The following SLC5A6 variants were observed in gnomAD, a reference collection of about 807,000 sequenced individuals.
SLC5A6 encodes the protein sodium-dependent multivitamin transporter.
Under a neutral mutation model 67.9 loss-of-function variants are expected in SLC5A6, and 31 were observed. The ratio of observed to expected loss-of-function variants is 0.46; its 90% CI spans 0.34 to 0.62. The LOEUF (loss-of-function observed/expected upper bound fraction) is 0.62. Ranked by LOEUF, SLC5A6 falls within the 20% of genes least tolerant of loss-of-function variation. SLC5A6 has a pLI of 0.01. For missense variants in SLC5A6, 673 were observed against 812.8 expected, an observed-to-expected ratio of 0.83 and a Z score of 2.09; for synonymous variants, 343 against 331.0, an observed-to-expected ratio of 1.04 and a Z score of -0.39.
chr2:27,202,690 A>G (rs910294203), intron 12 of SLC5A6, 123 bp downstream of exon 12: 3 of 853,522 alleles, frequency 3.5e-6, no homozygotes, highest in African/African-American at 3.4e-5. Flanking sequence ...CGGTCCATCA[A>G]AGGGGAATCT....
At chr2:27,205,578 G>T (rs1674000010) in intron 6 of SLC5A6, 74 bp from the exon 7 acceptor site, 1 of 1,544,960 alleles carries the variant, frequency 6.5e-7, no homozygotes, top group African/African-American at 1.4e-5. Context: ...TTATTTTGTT[G>T]TTGCTCCATT....
At chr2:27,203,752 C>A in intron 10 of SLC5A6, 27 bp downstream of exon 10, 1 of 1,564,100 alleles carries the variant, frequency 6.4e-7, no homozygotes, top group Non-Finnish European at 8.8e-7. Flanking sequence ...GTGCACCAGG[C>A]CTGAGGGAAA....
chr2:27,205,038 G>A lies in SLC5A6; in HGVS notation c.735-107C>T, dbSNP rs1032609555. ...CAGGAAAGGAGAGACACCACTGCTA[G>A]GGCCAAGGGGGACACTGAAAGCAAG... is the stretch of plus-strand genomic sequence containing the variant. On this transcript the variant is annotated intron_variant, in intron 7 of 16. Transcript: ENST00000310574. 8.8e-5 allele frequency: 115 copies of A among 1,303,706 alleles called. No individual in the cohort carries two copies. The East Asian group carries it at 2.6e-3, about 29-fold the overall frequency. 80.8% of individuals were successfully genotyped at this position (1,303,706 alleles called of 1,614,324 possible). A position where few individuals can be genotyped will look rare whatever the true frequency, so the allele number is the denominator to read the frequency against.
At position 27,205,380 on chromosome 2, in the gene SLC5A6, G is replaced by T; in HGVS notation, c.704C>A (p.Ala235Asp). The change falls in exon 7 of 17, where the codon GCT (alanine) becomes GAT (aspartate). Residue 235 changes from alanine (A) to aspartate (D), a missense_variant. Transcript: ENST00000310574. Reference protein sequence around the residue: ...VGGLGRVWAVASQHGRISGFE... With the variant: ...VGGLGRVWAVDSQHGRISGFE... Reference sequence around the variant, plus strand: ...CCCAGAGATGCGGCCGTGCTGGGAAGCCACGGCCCACACACGCCCCAAGCC... The same window carrying T: ...CCCAGAGATGCGGCCGTGCTGGGAATCCACGGCCCACACACGCCCCAAGCC... 1 of 1,614,176 alleles carries T rather than the reference G, an allele frequency of 6.2e-7. No individual in the cohort carries two copies. The highest frequency in any genetic ancestry group is 8.5e-7 in the Non-Finnish European group (1 of 1,180,006).
At chr2:27,209,577 G>A (rs919423831) in intron 2 of SLC5A6, among the ~76,000 whole-genome samples, 2 of 152,220 alleles carry the variant, frequency 1.3e-5, no homozygotes, top group Admixed American at 1.3e-4. Context: ...TGTTCAGCAA[G>A]GGCCCTGTCC....
rs765809428 is a variant in SLC5A6 at position 27,204,880 on chromosome 2, C to T, written c.786G>A (p.Gly262=). 4 of 1,613,992 alleles carry T rather than the reference C, an allele frequency of 2.5e-6. No homozygotes were observed. Among genetic ancestry groups the T allele is most frequent in the Admixed American group, 1.7e-5 (1 of 60,006 alleles). Residue 262 remains glycine (G), a synonymous_variant, in exon 8 of 17, where the codon GGG becomes GGA. Coordinates refer to ENST00000310574, the MANE Select transcript of SLC5A6 (RefSeq NM_021095.4). ...ATAAGGAGAGCATCATGAAGACACCCCCGAAGGCCAAGGTCCAGAAGGTGT... is the reference window on the plus strand; with the variant it reads ...ATAAGGAGAGCATCATGAAGACACCTCCGAAGGCCAAGGTCCAGAAGGTGT... ...VRHTFWTLAF[G]GVFMMLSLYG...
rs1673790868 is a variant in SLC5A6 at position 27,203,301 on chromosome 2, T to G, written c.1139A>C (p.Glu380Ala). The G allele has an allele frequency of 1.2e-6, 2 of 1,613,976 alleles. No homozygotes were observed. ...AGGGAACCAAGGTCGAATCAGGTCTTCCATCGTAACAGTTGCCAATGAATT... is the reference window on the plus strand; with the variant it reads ...AGGGAACCAAGGTCGAATCAGGTCTGCCATCGTAACAGTTGCCAATGAATT... ...AFNSLATVTM[E>A]DLIRPWFPEF... Residue 380 changes from glutamate to alanine, a missense_variant, in exon 11 of 17, where the codon GAA becomes GCA. Glu to Ala is a moderately radical substitution (Grantham distance 107). Coordinates refer to ENST00000310574, the MANE Select transcript of SLC5A6 (RefSeq NM_021095.4).
chr2:27,202,100 G>C (rs1280960260), intron 12 of SLC5A6, 26 bp from the exon 13 acceptor site: 1 of 1,566,482 alleles, frequency 6.4e-7, no homozygotes, highest in Non-Finnish European at 8.8e-7. Context: ...GAGAAGAAAA[G>C]GAAAAAGAAC....
At position 27,202,327 on chromosome 2, in the gene SLC5A6, C is replaced by G. The variant is rs138997364; in HGVS notation, c.1276-253G>C. On this transcript the variant is annotated intron_variant, in intron 12 of 16. Coordinates refer to ENST00000310574, the MANE Select transcript of SLC5A6 (RefSeq NM_021095.4). The stretch of plus-strand genomic sequence containing the variant: ...GACTAGCCTGGCCAACATGGTAAAA[C>G]CCCGTCTCTACTACAAATACAAAAA... 9.1e-4 allele frequency among the ~76,000 whole-genome samples: 138 copies of G among 151,992 alleles called. 4 individuals are homozygous for G. In the East Asian group the frequency reaches 0.022, roughly 25 times the overall value.
Position 27,207,041 on chromosome 2 carries a change from C to T in SLC5A6, c.394-99G>A. 1 of 1,136,450 alleles carries T rather than the reference C, an allele frequency of 8.8e-7. No homozygotes were observed. The highest frequency in any genetic ancestry group is 1.3e-6 in the Non-Finnish European group (1 of 746,228). The allele number at this position is 1,136,450 out of a possible 1,614,324, so 70.4% of individuals were successfully genotyped here. On this transcript the variant is annotated intron_variant, in intron 3 of 16. Transcript: ENST00000310574. The surrounding 1 kb of genome is among the most constrained non-coding windows in gnomAD (Gnocchi z 5.5). The stretch of plus-strand genomic sequence containing the variant: ...TCAGGAACATGAGGGAATATCCAAC[C>T]CATACCCACTCTGAGTCCTACTCGG...
Position 27,202,960 on chromosome 2 carries a change from G to C in SLC5A6, c.1208-80C>G. On this transcript the variant is annotated intron_variant, in intron 11 of 16. Transcript: ENST00000310574. ...GGGGTAAAGCAAGGCTCCCTGCCCA[G>C]CCAAACTACCACCTCTGTCTCTCTG... 5 of 1,579,134 alleles carry C rather than the reference G, an allele frequency of 3.2e-6. No individual in the cohort carries two copies. The South Asian group carries it at 5.8e-5, about 18-fold the overall frequency.
At position 27,207,620 on chromosome 2, in the gene SLC5A6, G is replaced by C; in HGVS notation, c.31C>G (p.Leu11Val). 6.2e-7 allele frequency: 1 copy of C among 1,614,156 alleles called. No homozygotes were observed. Among genetic ancestry groups the C allele is most frequent in the Non-Finnish European group, 8.5e-7 (1 of 1,180,000 alleles). Residue 11 changes from leucine to valine, a missense_variant, in exon 3 of 17, where the codon CTT becomes GTT. By Grantham distance (32) the Leu-to-Val change is conservative. Coordinates refer to ENST00000310574, the MANE Select transcript of SLC5A6 (RefSeq NM_021095.4). The surrounding 1 kb of genome is among the most constrained non-coding windows in gnomAD (Gnocchi z 5.5). The part of the protein sequence containing the change: MSVGVSTSAP[L>V]SPTSGTSVGM... ...ACGCTTGTGCCCGAGGTTGGGGAAA[G>C]AGGGGCTGAGGTGCTCACCCCTACA...
Position 27,207,609 on chromosome 2 carries a change from G to C in SLC5A6, c.42C>G (p.Thr14=). 1.2e-6 allele frequency: 2 copies of C among 1,614,230 alleles called. No individual in the cohort carries two copies. Among genetic ancestry groups the C allele is most frequent in the Middle Eastern group, 1.6e-4 (1 of 6,062 alleles). The stretch of plus-strand genomic sequence containing the variant: ...TAGACATGCCCACGCTTGTGCCCGA[G>C]GTTGGGGAAAGAGGGGCTGAGGTGC... ...GVSTSAPLSP[T]SGTSVGMSTF... is the part of the protein sequence containing the mutation. The change falls in exon 3 of 17, where the codon ACC becomes ACG. Residue 14 remains threonine (T), a synonymous_variant. Coordinates refer to ENST00000310574, the MANE Select transcript of SLC5A6 (RefSeq NM_021095.4). The surrounding 1 kb of genome is among the most constrained non-coding windows in gnomAD (Gnocchi z 5.5).
chr2:27,200,159 T>G lies in SLC5A6; in HGVS notation c.*277A>C, dbSNP rs1451290032. ...AAGCCATTATCTTTTTCCCAGAGGATGCACTTCCATCCCTATTTCTGGCAT... is the reference window on the plus strand; with the variant it reads ...AAGCCATTATCTTTTTCCCAGAGGAGGCACTTCCATCCCTATTTCTGGCAT... On this transcript the variant is annotated 3_prime_UTR_variant, in exon 17 of 17. Transcript: ENST00000310574. 5 of 327,808 alleles carry G rather than the reference T, an allele frequency of 1.5e-5. No individual in the cohort carries two copies. The highest frequency in any genetic ancestry group is 2.8e-5 in the Non-Finnish European group (5 of 179,738). 20.3% of individuals were successfully genotyped at this position (327,808 alleles called of 1,614,324 possible). A position where few individuals can be genotyped will look rare whatever the true frequency, so the allele number is the denominator to read the frequency against.
intron 6 of SLC5A6, 45 bp downstream of exon 6, chr2:27,205,978 CCTT>C: frequency 7.2e-7 from 1 of 1,384,872 alleles, no homozygotes. Context: ...CATGTCCCCT[CCTT>C]ACTTCATCCC....
In SLC5A6 at chr2:27,202,006, A is replaced by G. The variant is rs148886307; in HGVS notation, c.1344T>C (p.Phe448=). 17 of 1,614,038 alleles carry G rather than the reference A, an allele frequency of 1.1e-5. No homozygotes were observed. Among genetic ancestry groups the G allele is most frequent in the Non-Finnish European group, 4.2e-6 (5 of 1,179,982 alleles). Residue 448 remains phenylalanine, a synonymous_variant, in exon 13 of 17, where the codon TTT becomes TTC. Transcript: ENST00000310574. The part of the protein sequence containing the change: ...LLGLFCLGMF[F]PCANPPGAVV... The stretch of plus-strand genomic sequence containing the variant: ...CACTCACAGGAGGGTTAGCACATGG[A>G]AAGAACATTCCAAGGCAGAAGAGTC...
At chr2:27,206,759 T>C in intron 4 of SLC5A6, 118 bp downstream of exon 4, 1 of 950,582 alleles carries the variant, frequency 1.1e-6, no homozygotes, top group Non-Finnish European at 1.7e-6. Flanking sequence ...TGCTAACCTC[T>C]AGCAGGAATT....
chr2:27,206,830 G>A, intron 4 of SLC5A6, 47 bp downstream of exon 4: 1 of 1,410,412 alleles, frequency 7.1e-7, no homozygotes, highest in Non-Finnish European at 1.0e-6. Flanking sequence ...TTGCGTTCAG[G>A]TCCCCCAACA....
At chr2:27,210,702 C>CGGTG (rs1674419168) in intron 2 of SLC5A6, among the ~76,000 whole-genome samples, 1 of 150,436 alleles carries the variant, frequency 6.6e-6, no homozygotes, top group Non-Finnish European at 1.5e-5. Flanking sequence ...CTTGGCGGAT[C>CGGTG]GGTGGCCTGG....
Sources: gnomAD v4.1 joint callset for allele counts (sites outside exome capture counted in the v4.1 genomes callset) on GRCh38, gnomAD v4.1.1 for gene constraint, Gnocchi (gnomAD v3.1) non-coding constraint, MANE v1.5 for transcripts, NCBI Gene and HGNC (gene_info 2026-07-23, HGNC 2026-07-21) for gene names.